CNTNAP2: variants seen among roughly 807,000 people sequenced by gnomAD.
The protein encoded by CNTNAP2 is contactin associated protein 2, also known as contactin-associated protein-like 2.
CNTNAP2 carries 98 observed loss-of-function variants against 155.2 expected under a neutral mutation model. The observed-to-expected ratio is 0.63, with a 90% CI of 0.54 to 0.75. The LOEUF is 0.75. Among genes scored for constraint, CNTNAP2 ranks in the 30% least tolerant of loss-of-function variants. CNTNAP2 has a pLI of 0.00. For synonymous variants in CNTNAP2, 651 were observed against 631.2 expected, an observed-to-expected ratio of 1.03 and a Z score of -0.47; for missense variants, 1,727 against 1,688.1, an observed-to-expected ratio of 1.02 and a Z score of -0.40.
chr7:146,900,300 T>C (rs1304214024), intron 3 of CNTNAP2, among the ~76,000 whole-genome samples: 3 of 152,188 alleles, frequency 2.0e-5, no homozygotes, highest in African/African-American at 7.2e-5. Context: ...ATTATTCATT[T>C]TTCTGTTTTA....
At chr7:147,855,338 C>T (rs1216634840) in intron 13 of CNTNAP2, among the ~76,000 whole-genome samples, 10 of 152,000 alleles carry the variant, frequency 6.6e-5, no homozygotes, top group Non-Finnish European at 1.2e-4. Context: ...GAAGAAATCT[C>T]CCACCAAGAA....
At chr7:147,483,083 TAAGA>T (rs926060318) in intron 10 of CNTNAP2, among the ~76,000 whole-genome samples, 1 of 151,604 alleles carries the variant, frequency 6.6e-6, no homozygotes, top group Admixed American at 6.6e-5. Flanking sequence ...ATAAGAATTA[TAAGA>T]AAGAAAAATA....
chr7:146,448,429 G>A lies in CNTNAP2; in HGVS notation c.98-325842G>A, dbSNP rs555725516. Among the ~76,000 whole-genome samples the A allele has an allele frequency of 1.8e-4, 27 of 150,594 alleles. No homozygotes were observed. In the South Asian group the frequency reaches 3.6e-3, roughly 20 times the overall value. On this transcript the variant is annotated intron_variant, in intron 1 of 23. Transcript: ENST00000361727. ...ACTTTTTAAAGTTATTTTTATTTCC[G>A]TCTCTTTTATTAAATTCTTTGTTTA...
In CNTNAP2 at chr7:146,780,485, G is replaced by A. The variant is rs574017111; in HGVS notation, c.208+6104G>A. ...ATTACAGGCGTGAGCCACTGTGCCC[G>A]GCCGGTTTCCTGACTTTTTAATGAT... On this transcript the variant is annotated intron_variant, in intron 2 of 23. Transcript: ENST00000361727. Among the ~76,000 whole-genome samples the A allele has an allele frequency of 2.0e-5, 3 of 152,084 alleles. No individual in the cohort carries two copies. The East Asian group carries it at 5.8e-4, about 30-fold the overall frequency.
At chr7:147,096,588 C>T (rs1800540938) in intron 4 of CNTNAP2, among the ~76,000 whole-genome samples, 1 of 152,154 alleles carries the variant, frequency 6.6e-6, no homozygotes, top group Non-Finnish European at 1.5e-5. Flanking sequence ...TATTTATAAC[C>T]AGCCAGCATC....
chr7:147,666,019 G>C (rs116356016), intron 13 of CNTNAP2, among the ~76,000 whole-genome samples: 3,876 of 152,224 alleles, frequency 0.025, 184 homozygotes, highest in African/African-American at 0.087. Context: ...CCATTCTCAT[G>C]AGTATGTCAT....
At chr7:147,257,648 T>G (rs1442253008) in intron 8 of CNTNAP2, among the ~76,000 whole-genome samples, 1 of 152,246 alleles carries the variant, frequency 6.6e-6, no homozygotes, top group Non-Finnish European at 1.5e-5. Flanking sequence ...CAAGTACAAT[T>G]TATTTTTTAA....
At position 147,864,781 on chromosome 7, in the gene CNTNAP2, C is replaced by G. The variant is rs186413921; in HGVS notation, c.2099-38784C>G. Among the ~76,000 whole-genome samples, 496 of 152,204 alleles carry G rather than the reference C, an allele frequency of 3.3e-3. 3 individuals are homozygous for G. The highest frequency in any genetic ancestry group is 0.031 in the Middle Eastern group (9 of 294). On this transcript the variant is annotated intron_variant, in intron 13 of 23. Transcript: ENST00000361727. ...TGATTTTTGCACATTGATTTTGTATCCTGAGACTTTGCTGAAGTTGCTTAT... is the reference window on the plus strand; with the variant it reads ...TGATTTTTGCACATTGATTTTGTATGCTGAGACTTTGCTGAAGTTGCTTAT...
intron 3 of CNTNAP2, among the ~76,000 whole-genome samples, chr7:147,027,784 C>T (rs1798950777): frequency 6.6e-6 from 1 of 152,222 alleles, no homozygotes; most frequent in Admixed American, 6.5e-5. Flanking sequence ...ACCTCCAGCA[C>T]CTGGGACATT....
Position 147,905,277 on chromosome 7 carries a change from T to G in CNTNAP2, c.2255+1556T>G, listed in dbSNP as rs575470558. Among the ~76,000 whole-genome samples the G allele has an allele frequency of 3.3e-5, 5 of 152,244 alleles. No homozygotes were observed. In the South Asian group the frequency reaches 1.0e-3, roughly 32 times the overall value. ...TGACATTGGGTTCAGCCTCCCCAAC[T>G]AGGAGAAGTGGGAACAGAGCCCCAG... On this transcript the variant is annotated intron_variant, in intron 14 of 23. Transcript: ENST00000361727.
chr7:147,309,161 T>TA (rs1305947434), intron 9 of CNTNAP2, among the ~76,000 whole-genome samples: 6 of 152,302 alleles, frequency 3.9e-5, no homozygotes, highest in African/African-American at 1.4e-4. Flanking sequence ...TATCGCCTCT[T>TA]AAAATCTAAA....
At chr7:147,772,259 A>T (rs1420973824) in intron 13 of CNTNAP2, among the ~76,000 whole-genome samples, 1 of 151,462 alleles carries the variant, frequency 6.6e-6, no homozygotes, top group East Asian at 1.9e-4. Flanking sequence ...TTGCGTCTCT[A>T]CTAAAAATAC....
At chr7:147,743,951 G>A (rs755924500) in intron 13 of CNTNAP2, among the ~76,000 whole-genome samples, 35 of 152,108 alleles carry the variant, frequency 2.3e-4, no homozygotes, top group Non-Finnish European at 4.3e-4. Flanking sequence ...TTACCTGTGT[G>A]ACCTTGGGCA....
intron 12 of CNTNAP2, among the ~76,000 whole-genome samples, chr7:147,617,373 T>G (rs1235057021): frequency 6.6e-6 from 1 of 152,198 alleles, no homozygotes; most frequent in Non-Finnish European, 1.5e-5. Flanking sequence ...TTTTTCATCT[T>G]TGTGTCCCCA....
chr7:146,669,721 T>A (rs1408074839), intron 1 of CNTNAP2, among the ~76,000 whole-genome samples: 4 of 152,130 alleles, frequency 2.6e-5, no homozygotes, highest in African/African-American at 7.2e-5. Context: ...GGTCAAAACA[T>A]CTCCCTCCAA....
At chr7:147,277,450 G>A (rs1051056598) in intron 8 of CNTNAP2, among the ~76,000 whole-genome samples, 2 of 151,930 alleles carry the variant, frequency 1.3e-5, no homozygotes, top group East Asian at 3.9e-4. Context: ...TTTTTCAGAA[G>A]CAAATCACAT....
intron 13 of CNTNAP2, among the ~76,000 whole-genome samples, chr7:147,646,816 A>G (rs1795372255): frequency 6.6e-6 from 1 of 152,224 alleles, no homozygotes; most frequent in African/African-American, 2.4e-5. Flanking sequence ...GACAAAGTAC[A>G]ATCTTCCCAT....
chr7:147,287,557 ACT>A (rs1162624578), intron 8 of CNTNAP2, among the ~76,000 whole-genome samples: 2 of 151,768 alleles, frequency 1.3e-5, no homozygotes, highest in African/African-American at 4.8e-5. Flanking sequence ...TTCAGCCTAA[ACT>A]CTCTTTTCTG....
chr7:146,308,401 A>T (rs975324398), intron 1 of CNTNAP2, among the ~76,000 whole-genome samples: 1 of 152,204 alleles, frequency 6.6e-6, no homozygotes, highest in Admixed American at 6.5e-5. Context: ...TAGTTCAACC[A>T]TTGTGGAAGA....
Sources: allele counts gnomAD v4.1 joint callset (sites outside exome capture counted in the v4.1 genomes callset), GRCh38; gene constraint gnomAD v4.1.1; transcripts MANE v1.5; gene names NCBI Gene and HGNC (gene_info 2026-07-23, HGNC 2026-07-21).